PLEKHM3: variants seen among roughly 807,000 people sequenced by gnomAD.
PLEKHM3 encodes pleckstrin homology domain-containing family M member 3.
In PLEKHM3, 45 loss-of-function variants were observed where a neutral mutation model predicts 81.8. That is an observed-to-expected ratio of 0.55 (90% CI 0.43 to 0.71). PLEKHM3 has a LOEUF of 0.71. Among genes scored for constraint, PLEKHM3 ranks in the 30% least tolerant of loss-of-function variants. The pLI, the probability that PLEKHM3 is intolerant of heterozygous loss-of-function variation, is 0.00. For synonymous variants in PLEKHM3, 352 were observed against 356.4 expected, an observed-to-expected ratio of 0.99 and a Z score of 0.14; for missense variants, 788 against 924.3, an observed-to-expected ratio of 0.85 and a Z score of 1.91.
At chr2:207,996,860 TAAC>T (rs1692136799) in intron 2 of PLEKHM3, among the ~76,000 whole-genome samples, 1 of 152,206 alleles carries the variant, frequency 6.6e-6, no homozygotes, top group Non-Finnish European at 1.5e-5. Context: ...TTCATAATAA[TAAC>T]AATTATATCA....
At chr2:207,859,886 C>T (rs771972012) in intron 7 of PLEKHM3, among the ~76,000 whole-genome samples, 4 of 152,102 alleles carry the variant, frequency 2.6e-5, no homozygotes, top group Non-Finnish European at 4.4e-5. Context: ...CGTGAGCCAC[C>T]GCACCCAGCC....
At chr2:207,828,981 T>C (rs993298415) in intron 7 of PLEKHM3, among the ~76,000 whole-genome samples, 1 of 152,224 alleles carries the variant, frequency 6.6e-6, no homozygotes, top group Non-Finnish European at 1.5e-5. Context: ...TATTTGACAG[T>C]TTGAAAAGAT....
At chr2:207,891,373 C>T (rs1441365186) in intron 6 of PLEKHM3, among the ~76,000 whole-genome samples, 4 of 152,192 alleles carry the variant, frequency 2.6e-5, no homozygotes, top group Non-Finnish European at 4.4e-5. Context: ...AACCTCACAA[C>T]CTTGTGAGGC....
At chr2:207,844,434 CT>C (rs1424162940) in intron 7 of PLEKHM3, among the ~76,000 whole-genome samples, 2 of 150,024 alleles carry the variant, frequency 1.3e-5, no homozygotes, top group African/African-American at 4.9e-5. Context: ...TCCGGAGTAG[CT>C]GGGACTACAG....
At chr2:207,968,544 C>A (rs1377910945) in intron 3 of PLEKHM3, among the ~76,000 whole-genome samples, 1 of 152,176 alleles carries the variant, frequency 6.6e-6, no homozygotes, top group Non-Finnish European at 1.5e-5. Context: ...TCCCTTCAAG[C>A]CCTCCATAGC....
At chr2:207,892,132 ATG>A (rs1688077651) in intron 6 of PLEKHM3, among the ~76,000 whole-genome samples, 3 of 152,106 alleles carry the variant, frequency 2.0e-5, no homozygotes, top group Admixed American at 1.3e-4. Flanking sequence ...CCCACCTAGA[ATG>A]TGTGTCTTGT....
At chr2:207,868,728 A>C (rs1441701590) in intron 6 of PLEKHM3, 2 of 152,208 alleles carry the variant, frequency 1.3e-5, no homozygotes, top group Non-Finnish European at 2.9e-5. Flanking sequence ...TCCTCCTTTT[A>C]AACACTTGAG....
chr2:207,999,116 G>A lies in PLEKHM3; in HGVS notation c.610+1914C>T, dbSNP rs533201671. Reference sequence around the variant, plus strand: ...TCATGCCTCAGCCTCCCAAGTAGCCGGGACTACAGGCACGTGCCACCAAGC... The same window carrying A: ...TCATGCCTCAGCCTCCCAAGTAGCCAGGACTACAGGCACGTGCCACCAAGC... On this transcript the variant is annotated intron_variant, in intron 2 of 7. Transcript: ENST00000427836. Among the ~76,000 whole-genome samples the A allele has an allele frequency of 7.3e-4, 111 of 151,972 alleles. 1 individual carries two copies. In the South Asian group the frequency reaches 9.3e-3, roughly 13 times the overall value.
rs916661021 is a variant in PLEKHM3, at chr2:207,821,670, G to A, written c.*6649C>T. On this transcript the variant is annotated 3_prime_UTR_variant, in exon 8 of 8. Coordinates refer to ENST00000427836, the MANE Select transcript of PLEKHM3 (RefSeq NM_001080475.3). ...GAGCTACAGAACAAGTTTTGCAGAA[G>A]TTTTTTACATCACCACGTTCAATAC... is the stretch of plus-strand genomic sequence containing the variant. The A allele has an allele frequency of 8.6e-5, 13 of 151,856 alleles. No homozygotes were observed. Among genetic ancestry groups the A allele is most frequent in the Non-Finnish European group, 1.9e-4 (13 of 67,998 alleles). The allele number at this position is 151,856 out of a possible 1,614,324, so 9.4% of individuals were successfully genotyped here. A position where few individuals can be genotyped will look rare whatever the true frequency, so the allele number is the denominator to read the frequency against.
chr2:208,014,481 T>C (rs958412718), intron 1 of PLEKHM3, among the ~76,000 whole-genome samples: 4 of 152,106 alleles, frequency 2.6e-5, no homozygotes, highest in Non-Finnish European at 2.9e-5. Flanking sequence ...CCGTCTCTAC[T>C]AAAAATACAA....
chr2:207,921,908 G>A lies in PLEKHM3; in HGVS notation c.1886+9018C>T, dbSNP rs531067835. ...CCACATTTTCTTTGTCCATTTGATGGACACTTCCACAGTGACTAGTGGGAT... is the reference window on the plus strand; with the variant it reads ...CCACATTTTCTTTGTCCATTTGATGAACACTTCCACAGTGACTAGTGGGAT... On this transcript the variant is annotated intron_variant, in intron 5 of 7. Coordinates refer to ENST00000427836, the MANE Select transcript of PLEKHM3 (RefSeq NM_001080475.3). 3.9e-5 allele frequency among the ~76,000 whole-genome samples: 6 copies of A among 152,262 alleles called. No homozygotes were observed. The South Asian group carries it at 1.2e-3, about 32-fold the overall frequency.
intron 5 of PLEKHM3, among the ~76,000 whole-genome samples, chr2:207,913,719 A>C (rs1688886366): frequency 2.2e-5 from 3 of 138,070 alleles, no homozygotes; most frequent in Admixed American, 2.1e-4. Flanking sequence ...AGGACTAAGA[A>C]AGGATTTTTT....
chr2:207,975,803 G>T (rs1453174050), intron 3 of PLEKHM3, among the ~76,000 whole-genome samples: 2 of 151,450 alleles, frequency 1.3e-5, no homozygotes, highest in Non-Finnish European at 2.9e-5. Flanking sequence ...CACTATGTTG[G>T]CCAGGCTGGT....
intron 2 of PLEKHM3, among the ~76,000 whole-genome samples, chr2:207,984,101 G>A (rs1559270081): frequency 6.6e-6 from 1 of 152,186 alleles, no homozygotes; most frequent in Non-Finnish European, 1.5e-5. Context: ...AGAGTAAGAT[G>A]AATGCCAGGT....
chr2:208,009,189 T>C (rs963362812), intron 1 of PLEKHM3, among the ~76,000 whole-genome samples: 5 of 152,204 alleles, frequency 3.3e-5, no homozygotes, highest in African/African-American at 1.2e-4. Flanking sequence ...CCATTCCAAC[T>C]TTCTACTTCA....
intron 6 of PLEKHM3, among the ~76,000 whole-genome samples, chr2:207,894,207 T>C (rs933512098): frequency 6.6e-6 from 1 of 152,214 alleles, no homozygotes; most frequent in African/African-American, 2.4e-5. Flanking sequence ...CTGCAATATA[T>C]TCTGTGGATT....
At chr2:207,833,997 G>A (rs183706898) in intron 7 of PLEKHM3, among the ~76,000 whole-genome samples, 31 of 152,160 alleles carry the variant, frequency 2.0e-4, no homozygotes, top group African/African-American at 7.2e-4. Flanking sequence ...TACTTCTAAT[G>A]GCAAAAATCG....
At chr2:207,839,269 T>C (rs1164953451) in intron 7 of PLEKHM3, among the ~76,000 whole-genome samples, 1 of 151,964 alleles carries the variant, frequency 6.6e-6, no homozygotes, top group African/African-American at 2.4e-5. Context: ...AAAATGCACA[T>C]TAATGTACAT....
chr2:207,835,950 T>A (rs537976367), intron 7 of PLEKHM3, among the ~76,000 whole-genome samples: 30 of 152,310 alleles, frequency 2.0e-4, no homozygotes, highest in Non-Finnish European at 1.8e-4. Context: ...GTTTGTGTTT[T>A]AACTGTTGGG....
Sources: allele counts gnomAD v4.1 joint callset (sites outside exome capture counted in the v4.1 genomes callset), GRCh38; gene constraint gnomAD v4.1.1; transcripts MANE v1.5; gene names NCBI Gene and HGNC (gene_info 2026-07-23, HGNC 2026-07-21).